The following SLC37A2 variants were observed in gnomAD, a reference collection of about 807,000 sequenced individuals.
SLC37A2 encodes glucose-6-phosphate exchanger SLC37A2.
A neutral mutation model predicts 70.7 loss-of-function variants in SLC37A2; 59 were observed. The observed-to-expected ratio is 0.83, with a 90% confidence interval of 0.68 to 1.04. The LOEUF is 1.04. SLC37A2 is among the 50% of genes least tolerant of loss of function. The pLI is 0.00. For synonymous variants in SLC37A2, 257 were observed against 262.1 expected (o/e 0.98, Z 0.19); for missense variants, 580 against 658.1 (o/e 0.88, Z 1.30).
At chr11:125,085,851 C>T in intron 16 of SLC37A2, 103 bp from the exon 17 acceptor site, 1 of 1,284,676 alleles carries the variant, frequency 7.8e-7, no homozygotes, top group Non-Finnish European at 1.1e-6. Context: ...CAGCGTGTCT[C>T]TCCCCCTTCT....
intron 1 of SLC37A2, among the ~76,000 whole-genome samples, chr11:125,070,210 C>T (rs1177755110): frequency 6.6e-6 from 1 of 152,176 alleles, no homozygotes; most frequent in Non-Finnish European, 1.5e-5. Flanking sequence ...CCTCGATCTT[C>T]CCCTGTGAGC....
In SLC37A2 at chr11:125,063,760, CGTT is replaced by C. The variant is rs1948954544; in HGVS notation, c.59+336_59+338del. Among the ~76,000 whole-genome samples, 1 of 152,210 alleles carries C rather than the reference CGTT, an allele frequency of 6.6e-6. No individual in the cohort carries two copies. Among genetic ancestry groups the C allele is most frequent in the Admixed American group, 6.5e-5 (1 of 15,290 alleles). On this transcript the variant is annotated intron_variant, in intron 1 of 17. Coordinates refer to ENST00000403796, the MANE Select transcript of SLC37A2 (RefSeq NM_001145290.2). This position sits in a 1 kb window ranked among gnomAD's most constrained non-coding sequence, Gnocchi z 5.4. ...GGGCGCCTTCAGAGCGCCTTTCTGT[CGTT>C]GGGCAGCTGGGGAACCTGGGCTCGA...
In SLC37A2 at chr11:125,085,349, ATGC is replaced by A. The variant is rs1251872802; in HGVS notation, c.1249-38_1249-36del. The stretch of plus-strand genomic sequence containing the variant: ...CCCCTCTCCTGTCCTGGTTCTGCTC[ATGC>A]TGCTGCTCAGCTGGGCTTCCCCACT... On this transcript the variant is annotated intron_variant, in intron 14 of 17. Coordinates refer to ENST00000403796, the MANE Select transcript of SLC37A2 (RefSeq NM_001145290.2). The A allele has an allele frequency of 1.9e-6, 3 of 1,581,374 alleles. No homozygotes were observed. In the Admixed American group the frequency reaches 5.1e-5, roughly 27 times the overall value.
At chr11:125,066,324 C>T (rs1233335152) in intron 1 of SLC37A2, among the ~76,000 whole-genome samples, 2 of 152,172 alleles carry the variant, frequency 1.3e-5, no homozygotes, top group Non-Finnish European at 2.9e-5. Flanking sequence ...ATCCCTTAAG[C>T]CCAATAGTGT....
rs1362308547 is a variant in SLC37A2 at position 125,080,149 on chromosome 11, G to A, written c.527+389G>A. On this transcript the variant is annotated intron_variant, in intron 6 of 17. Coordinates refer to ENST00000403796, the MANE Select transcript of SLC37A2 (RefSeq NM_001145290.2). The surrounding 1 kb of genome is among the most constrained non-coding windows in gnomAD (Gnocchi z 4.3). ...CTGGGCTATTGGACCCTTGTTTGGG[G>A]ACTGTCCTACCACTGCAGGCTGTTT... Among the ~76,000 whole-genome samples, 5 of 152,156 alleles carry A rather than the reference G, an allele frequency of 3.3e-5. No individual in the cohort carries two copies. The highest frequency in any genetic ancestry group is 1.2e-4 in the African/African-American group (5 of 41,424).
chr11:125,082,438 G>T, intron 10 of SLC37A2, 104 bp downstream of exon 10: 1 of 966,130 alleles, frequency 1.0e-6, no homozygotes, highest in Non-Finnish European at 1.7e-6. Context: ...CCAGTATATA[G>T]GCAGAATTCC....
chr11:125,068,504 T>G (rs1949001610), intron 1 of SLC37A2, among the ~76,000 whole-genome samples: 1 of 152,168 alleles, frequency 6.6e-6, no homozygotes, highest in South Asian at 2.1e-4. Flanking sequence ...AGAGGGGCTG[T>G]GTACACACAG....
intron 15 of SLC37A2, 22 bp from the exon 16 acceptor site, chr11:125,085,555 C>T (rs747643113): frequency 3.1e-6 from 5 of 1,613,546 alleles, no homozygotes; most frequent in Admixed American, 3.3e-5. Flanking sequence ...GACCCCTGCT[C>T]ACGAGGCTGT....
chr11:125,080,772 T>C lies in SLC37A2; in HGVS notation c.686T>C (p.Leu229Pro). The C allele has an allele frequency of 6.8e-7, 1 of 1,480,862 alleles. No individual in the cohort carries two copies. The highest frequency in any genetic ancestry group is 9.0e-7 in the Non-Finnish European group (1 of 1,108,052). The allele number at this position is 1,480,862 out of a possible 1,614,324, so 91.7% of individuals were successfully genotyped here. Residue 229 changes from leucine to proline, a missense_variant, in exon 7 of 18, where the codon CTC becomes CCC. Leu to Pro is a moderately conservative substitution (Grantham distance 98). Coordinates refer to ENST00000403796, the MANE Select transcript of SLC37A2 (RefSeq NM_001145290.2). The surrounding 1 kb of genome is among the most constrained non-coding windows in gnomAD (Gnocchi z 4.3). ...AVMGVITFLF[L>P]IEHPEDVDCA... is the part of the protein sequence containing the mutation. ...ATGGGCGTCATCACCTTCCTCTTCC[T>C]CATCGAACGTGAGTGGGCCCCTCAC...
At chr11:125,076,920 G>A (rs1949093677) in intron 2 of SLC37A2, 82 bp downstream of exon 2, 3 of 1,369,526 alleles carry the variant, frequency 2.2e-6, no homozygotes, top group East Asian at 2.4e-5. Context: ...CACCGAGGTT[G>A]CACCTTCACC....
chr11:125,086,275 C>A, intron 17 of SLC37A2: 1 of 1,595,012 alleles, frequency 6.3e-7, no homozygotes, highest in Non-Finnish European at 8.6e-7. Flanking sequence ...GTATTTACTT[C>A]GAGTCTGTGA....
chr11:125,084,248 G>A lies in SLC37A2; in HGVS notation c.1054G>A (p.Gly352Arg), dbSNP rs1949179230. Residue 352 changes from glycine to arginine, a missense_variant, in exon 12 of 18, where the codon GGG becomes AGG. Gly to Arg is a moderately radical substitution (Grantham distance 125). Transcript: ENST00000403796. Reference sequence around the variant, plus strand: ...GTGTGTTCCAGGCGGCATCGTGGCAGGGCTCGTCTCTGACTACACCAATGG... The same window carrying A: ...GTGTGTTCCAGGCGGCATCGTGGCAAGGCTCGTCTCTGACTACACCAATGG... ...VGGIIGGIVAGLVSDYTNGRA... is the reference protein window; with the variant it reads ...VGGIIGGIVARLVSDYTNGRA... The A allele has an allele frequency of 6.2e-7, 1 of 1,614,106 alleles. No individual in the cohort carries two copies. The highest frequency in any genetic ancestry group is 8.5e-7 in the Non-Finnish European group (1 of 1,180,030).
Position 125,073,345 on chromosome 11 carries a change from C to T in SLC37A2, c.60-3412C>T, listed in dbSNP as rs957194311. Among the ~76,000 whole-genome samples, 4 of 152,248 alleles carry T rather than the reference C, an allele frequency of 2.6e-5. 1 individual carries two copies. The highest frequency in any genetic ancestry group is 4.8e-5 in the African/African-American group (2 of 41,470). On this transcript the variant is annotated intron_variant, in intron 1 of 17. Transcript: ENST00000403796. Reference sequence around the variant, plus strand: ...ATGTTCATCTAGACCCAGCTATGCACAGCGGGAGGCGGGGTGGAGGGGGAC... The same window carrying T: ...ATGTTCATCTAGACCCAGCTATGCATAGCGGGAGGCGGGGTGGAGGGGGAC...
At chr11:125,086,733 G>A in intron 17 of SLC37A2, 1 of 237,452 alleles carries the variant, frequency 4.2e-6, no homozygotes, top group South Asian at 5.8e-5. Flanking sequence ...GGTGGCATCA[G>A]CAGGTCAGTG....
chr11:125,077,972 C>T (rs541087754), intron 4 of SLC37A2, among the ~76,000 whole-genome samples: 1 of 152,326 alleles, frequency 6.6e-6, no homozygotes, highest in African/African-American at 2.4e-5. Context: ...GATGCATTGG[C>T]AGCTGGTGCT....
At chr11:125,072,307 ATAGTTAAGAGATAGC>A (rs2135562727) in intron 1 of SLC37A2, among the ~76,000 whole-genome samples, 1 of 152,320 alleles carries the variant, frequency 6.6e-6, no homozygotes, top group South Asian at 2.1e-4. Flanking sequence ...CTGTCAGCTA[ATAGTTAAGAGATAGC>A]TAGTCAACCT....
intron 1 of SLC37A2, among the ~76,000 whole-genome samples, chr11:125,068,139 A>G (rs11824271): frequency 0.15 from 22,775 of 152,170 alleles, 1,897 homozygotes; most frequent in Non-Finnish European, 0.17. Context: ...CAAGGTGTGA[A>G]TTCAGCTACG....
chr11:125,076,677 G>T, intron 1 of SLC37A2, 80 bp from the exon 2 acceptor site: 2 of 1,316,628 alleles, frequency 1.5e-6, no homozygotes, highest in South Asian at 1.2e-5. Flanking sequence ...TGCCAGAGGG[G>T]ACACGGGTCA....
intron 2 of SLC37A2, 81 bp downstream of exon 2, chr11:125,076,919 T>G: frequency 1.5e-6 from 2 of 1,369,894 alleles, no homozygotes; most frequent in Non-Finnish European, 2.1e-6. Flanking sequence ...CCACCGAGGT[T>G]GCACCTTCAC....
Sources: allele counts gnomAD v4.1 joint callset (sites outside exome capture counted in the v4.1 genomes callset), GRCh38; gene constraint gnomAD v4.1.1; non-coding constraint Gnocchi (gnomAD v3.1); transcripts MANE v1.5; gene names NCBI Gene and HGNC (gene_info 2026-07-23, HGNC 2026-07-21).